LRP1B: variants seen among roughly 807,000 people sequenced by gnomAD.
LRP1B encodes the protein low-density lipoprotein receptor-related protein 1B.
LRP1B carries 217 observed loss-of-function variants against 556.6 expected under a neutral mutation model. The observed-to-expected ratio is 0.39, with a 90% CI of 0.35 to 0.44. The LOEUF (loss-of-function observed/expected upper bound fraction) is 0.44, where lower values mean the gene tolerates loss of function less well. Among genes scored for constraint, LRP1B ranks in the 20% least tolerant of loss-of-function variants. The pLI is 1.00. For missense variants in LRP1B, 5,053 were observed against 5,620.8 expected (o/e 0.90, Z 3.23); for synonymous variants, 2,047 against 1,865.8 (o/e 1.10, Z -2.50).
intron 1 of LRP1B, among the ~76,000 whole-genome samples, chr2:142,117,107 C>T (rs1707300073): frequency 6.6e-6 from 1 of 152,022 alleles, no homozygotes; most frequent in Non-Finnish European, 1.5e-5. Context: ...AATATTTTCC[C>T]CCAGGTCCCT....
intron 62 of LRP1B, among the ~76,000 whole-genome samples, chr2:140,454,954 C>T (rs1452330652): frequency 2.6e-5 from 4 of 152,162 alleles, no homozygotes; most frequent in Non-Finnish European, 4.4e-5. Flanking sequence ...AAGCCAGCGA[C>T]AGCCTTACTT....
intron 1 of LRP1B, among the ~76,000 whole-genome samples, chr2:142,010,281 G>A (rs1702915202): frequency 6.6e-6 from 1 of 151,982 alleles, no homozygotes; most frequent in Non-Finnish European, 1.5e-5. Flanking sequence ...ATCATACCTT[G>A]GCAGGGTTCA....
chr2:140,976,084 A>AT (rs1291977876), intron 18 of LRP1B, among the ~76,000 whole-genome samples: 1 of 151,478 alleles, frequency 6.6e-6, no homozygotes, highest in Non-Finnish European at 1.5e-5. Context: ...CCCCTGGCTA[A>AT]TTTTTTTGTA....
intron 11 of LRP1B, among the ~76,000 whole-genome samples, chr2:141,032,919 T>C (rs1039835691): frequency 6.6e-6 from 1 of 150,924 alleles, no homozygotes; most frequent in African/African-American, 2.4e-5. Context: ...AAAATACATA[T>C]TTCCCCATAC....
chr2:141,093,000 A>T (rs1217107445), intron 7 of LRP1B, among the ~76,000 whole-genome samples: 1 of 151,964 alleles, frequency 6.6e-6, no homozygotes. Context: ...AAGAAGGAAA[A>T]AACAAAGAGG....
chr2:141,338,469 A>C (rs1687930885), intron 3 of LRP1B, among the ~76,000 whole-genome samples: 1 of 152,156 alleles, frequency 6.6e-6, no homozygotes, highest in Non-Finnish European at 1.5e-5. Flanking sequence ...GGAAGGAAAA[A>C]GTGGTCAACT....
At chr2:140,674,875 TG>T (rs1404663705) in intron 41 of LRP1B, among the ~76,000 whole-genome samples, 5 of 152,246 alleles carry the variant, frequency 3.3e-5, no homozygotes, top group Non-Finnish European at 7.3e-5. Flanking sequence ...TTGATGCTGT[TG>T]TAACAAATTA....
At chr2:140,853,123 C>G (rs1692510999) in intron 27 of LRP1B, among the ~76,000 whole-genome samples, 1 of 151,968 alleles carries the variant, frequency 6.6e-6, no homozygotes, top group African/African-American at 2.4e-5. Context: ...TTCCCTCCAC[C>G]CCTCTTTCCT....
chr2:141,618,358 C>T (rs1019100312), intron 2 of LRP1B, among the ~76,000 whole-genome samples: 1 of 152,118 alleles, frequency 6.6e-6, no homozygotes, highest in Non-Finnish European at 1.5e-5. Context: ...ATTTCAACTT[C>T]AAACAAATGT....
At chr2:141,337,363 G>GTCA (rs1483928627) in intron 3 of LRP1B, among the ~76,000 whole-genome samples, 2 of 152,116 alleles carry the variant, frequency 1.3e-5, no homozygotes, top group African/African-American at 2.4e-5. Context: ...TTCTGTGCAA[G>GTCA]TCATATCATA....
intron 14 of LRP1B, among the ~76,000 whole-genome samples, chr2:141,009,809 TTC>T (rs1433816290): frequency 2.6e-5 from 4 of 152,004 alleles, no homozygotes; most frequent in African/African-American, 9.7e-5. Flanking sequence ...AAGATTCACA[TTC>T]TTTTTCTTCT....
chr2:140,957,310 G>T (rs974647518), intron 18 of LRP1B, among the ~76,000 whole-genome samples: 7 of 151,568 alleles, frequency 4.6e-5, no homozygotes, highest in African/African-American at 1.7e-4. Flanking sequence ...ATTCATGACG[G>T]CCCGGAAGTG....
At chr2:141,727,582 C>A (rs1320978943) in intron 2 of LRP1B, among the ~76,000 whole-genome samples, 3 of 152,006 alleles carry the variant, frequency 2.0e-5, no homozygotes, top group South Asian at 4.1e-4. Flanking sequence ...CTTGGTCTAG[C>A]CATTTAATTG....
intron 35 of LRP1B, among the ~76,000 whole-genome samples, chr2:140,755,574 T>C (rs1429918951): frequency 6.6e-6 from 1 of 151,904 alleles, no homozygotes; most frequent in African/African-American, 2.4e-5. Flanking sequence ...ACAAAAGGTA[T>C]ATGATCATCT....
chr2:141,122,955 T>C (rs1460392967), intron 7 of LRP1B, among the ~76,000 whole-genome samples: 1 of 152,094 alleles, frequency 6.6e-6, no homozygotes, highest in Non-Finnish European at 1.5e-5. Flanking sequence ...TGTAGGGACA[T>C]GGATGAAGCT....
chr2:141,401,038 C>T (rs1373697483), intron 3 of LRP1B, among the ~76,000 whole-genome samples: 1 of 152,158 alleles, frequency 6.6e-6, no homozygotes. Flanking sequence ...TTTGCTAGAA[C>T]CACCTTTTTA....
intron 1 of LRP1B, among the ~76,000 whole-genome samples, chr2:142,017,284 C>A (rs1574598574): frequency 6.6e-6 from 1 of 152,034 alleles, no homozygotes; most frequent in Non-Finnish European, 1.5e-5. Context: ...TTTCCCTTTA[C>A]TTTATATGCA....
intron 41 of LRP1B, among the ~76,000 whole-genome samples, chr2:140,617,047 G>A (rs1018001279): frequency 6.6e-6 from 1 of 151,880 alleles, no homozygotes; most frequent in African/African-American, 2.4e-5. Flanking sequence ...TAATGATGTG[G>A]GGACTCGGGT....
intron 1 of LRP1B, among the ~76,000 whole-genome samples, chr2:141,965,985 C>A (rs1260501902): frequency 1.3e-5 from 2 of 151,604 alleles, no homozygotes; most frequent in African/African-American, 4.8e-5. Context: ...CTAATTCCAC[C>A]AACTAGCACC....
Sources: allele counts gnomAD v4.1 joint callset (sites outside exome capture counted in the v4.1 genomes callset), GRCh38; gene constraint gnomAD v4.1.1; transcripts MANE v1.5; gene names NCBI Gene and HGNC (gene_info 2026-07-23, HGNC 2026-07-21).